Variants in COPG1 observed in about 807,000 individuals in gnomAD.
The protein encoded by COPG1 is coatomer subunit gamma-1.
COPG1 carries 29 observed loss-of-function variants against 102.8 expected under a neutral mutation model. That is an observed-to-expected ratio of 0.28 (90% CI 0.21 to 0.38). The LOEUF is 0.38. Among genes scored for constraint, COPG1 ranks in the 10% least tolerant of loss-of-function variants. COPG1 has a pLI of 1.00. For synonymous variants in COPG1, 406 were observed against 421.6 expected (o/e 0.96, Z 0.45); for missense variants, 875 against 1,132.7 (o/e 0.77, Z 3.27).
chr3:129,266,807 C>T (rs1461926072), intron 14 of COPG1, among the ~76,000 whole-genome samples: 3 of 152,170 alleles, frequency 2.0e-5, no homozygotes, highest in Admixed American at 1.3e-4. Flanking sequence ...CATCTGGCGC[C>T]CTTCTCCATT....
Position 129,261,301 on chromosome 3 carries a change from C to T in COPG1, c.1128+494C>T, listed in dbSNP as rs555734708. Among the ~76,000 whole-genome samples, 5 of 152,160 alleles carry T rather than the reference C, an allele frequency of 3.3e-5. No homozygotes were observed. In the East Asian group the frequency reaches 9.7e-4, roughly 29 times the overall value. On this transcript the variant is annotated intron_variant, in intron 12 of 23. Coordinates refer to ENST00000314797, the MANE Select transcript of COPG1 (RefSeq NM_016128.4). ...AGGAAGAGCACAGTCTGGGAAGGCC[C>T]TTCTGGAGGGTGACATTTGAGCTCA... is the stretch of plus-strand genomic sequence containing the variant.
rs1026683587 is a variant in COPG1, at chr3:129,254,601, T to C, written c.324-67T>C. The stretch of plus-strand genomic sequence containing the variant: ...TGTAGTAATCTGGGCAAGGGTGGTG[T>C]TGGGAGCTGGAGAGGAGTAAACAGG... On this transcript the variant is annotated intron_variant, in intron 5 of 23. Coordinates refer to ENST00000314797, the MANE Select transcript of COPG1 (RefSeq NM_016128.4). 3 of 1,199,652 alleles carry C rather than the reference T, an allele frequency of 2.5e-6. No individual in the cohort carries two copies. The East Asian group carries it at 7.1e-5, about 28-fold the overall frequency. 74.3% of individuals were successfully genotyped at this position (1,199,652 alleles called of 1,614,324 possible).
chr3:129,277,601 CTTTTT>C lies in COPG1; in HGVS notation c.*192_*196del, dbSNP rs35073725. On this transcript the variant is annotated 3_prime_UTR_variant, in exon 24 of 24. Transcript: ENST00000314797. ...CCCACCCGGGACTACTTGCTGGTGA[CTTTTT>C]TTTTTTTTTTTTTTAAATAGGGGAT... The C allele has an allele frequency of 2.6e-5, 8 of 302,660 alleles. No homozygotes were observed. Among genetic ancestry groups the C allele is most frequent in the Non-Finnish European group, 4.3e-5 (7 of 162,378 alleles). 18.7% of individuals were successfully genotyped at this position (302,660 alleles called of 1,614,324 possible). A position where few individuals can be genotyped will look rare whatever the true frequency, so the allele number is the denominator to read the frequency against.
chr3:129,274,302 T>A (rs985747427), intron 21 of COPG1, among the ~76,000 whole-genome samples: 30 of 152,142 alleles, frequency 2.0e-4, no homozygotes, highest in African/African-American at 5.8e-4. Context: ...GGAACCTTCA[T>A]GTAGACTCAG....
Position 129,265,608 on chromosome 3 carries a change from C to G in COPG1, c.1284C>G (p.Asn428Lys), listed in dbSNP as rs753840863. 6.2e-7 allele frequency: 1 copy of G among 1,614,190 alleles called. No homozygotes were observed. Among genetic ancestry groups the G allele is most frequent in the Non-Finnish European group, 8.5e-7 (1 of 1,180,026 alleles). ...VDCIISIIEE[N>K]SESKETGLSH... ...GCATCATCAGCATCATTGAAGAGAA[C>G]TCAGAGAGCAAGGAGACAGGGCTGT... is the stretch of plus-strand genomic sequence containing the variant. Residue 428 changes from asparagine (N) to lysine (K), a missense_variant, in exon 14 of 24, where the codon AAC (asparagine) becomes AAG (lysine). Asn to Lys is a moderately conservative substitution (Grantham distance 94, BLOSUM62 0). Coordinates refer to ENST00000314797, the MANE Select transcript of COPG1 (RefSeq NM_016128.4).
At chr3:129,261,397 G>A (rs139099198) in intron 12 of COPG1, among the ~76,000 whole-genome samples, 1 of 152,196 alleles carries the variant, frequency 6.6e-6, no homozygotes, top group South Asian at 2.1e-4. Context: ...CCAGTGGGTG[G>A]AAGAGCTGTG....
chr3:129,251,084 C>T (rs985048426), intron 2 of COPG1, among the ~76,000 whole-genome samples: 1 of 151,232 alleles, frequency 6.6e-6, no homozygotes, highest in Non-Finnish European at 1.5e-5. Flanking sequence ...CCACCACACC[C>T]GGCTAATTTT....
chr3:129,272,292 G>GACCT lies in COPG1; in HGVS notation c.2035_2036insACCT (p.Val679AspfsTer8). The GACCT allele has an allele frequency of 6.2e-7, 1 of 1,614,100 alleles. No individual in the cohort carries two copies. Among genetic ancestry groups the GACCT allele is most frequent in the South Asian group, 1.1e-5 (1 of 91,084 alleles). On this transcript the variant is annotated frameshift_variant, in exon 20 of 24. Transcript: ENST00000314797. LOFTEE classifies it high-confidence loss of function. Reference sequence around the variant, plus strand: ...TGACCAGACCTTGGAGAATGTCACAGTGCAGATGGAGCCCACTGAGGCCTA... The same window carrying GACCT: ...TGACCAGACCTTGGAGAATGTCACAGACCTTGCAGATGGAGCCCACTGAGGCCTA...
chr3:129,261,065 G>A (rs551162330), intron 12 of COPG1, among the ~76,000 whole-genome samples: 1 of 152,358 alleles, frequency 6.6e-6, no homozygotes, highest in South Asian at 2.1e-4. Context: ...TCATTGATTT[G>A]TTGTCCAAGT....
rs766357893 is a variant in COPG1 at position 129,257,754 on chromosome 3, C to T, written c.765C>T (p.Ile255=). ...GTGACAGCCCACTGTTTGACTTCATCGAGAGCTGCTTGCGCAACAAGCACG... is the reference window on the plus strand; with the variant it reads ...GTGACAGCCCACTGTTTGACTTCATTGAGAGCTGCTTGCGCAACAAGCACG... ...GSRDSPLFDF[I]ESCLRNKHEM... is the part of the protein sequence containing the mutation. The change falls in exon 10 of 24, where the codon ATC becomes ATT. Residue 255 remains isoleucine, a synonymous_variant. Transcript: ENST00000314797. 3.3e-5 allele frequency: 54 copies of T among 1,614,018 alleles called. No homozygotes were observed. The Middle Eastern group carries it at 6.6e-4, about 20-fold the overall frequency.
chr3:129,257,368 C>A, intron 8 of COPG1, 102 bp from the exon 9 acceptor site: 1 of 1,240,670 alleles, frequency 8.1e-7, no homozygotes, highest in South Asian at 1.3e-5. Context: ...GCTACTGTGC[C>A]CATCTTAGAA....
intron 14 of COPG1, among the ~76,000 whole-genome samples, chr3:129,266,130 C>T (rs890908666): frequency 2.6e-5 from 4 of 152,032 alleles, no homozygotes; most frequent in African/African-American, 9.7e-5. Flanking sequence ...TGCCATCATG[C>T]CCAGCTAATT....
intron 4 of COPG1, 45 bp downstream of exon 4, chr3:129,252,739 CAAG>C (rs1315327166): frequency 6.3e-7 from 1 of 1,588,780 alleles, no homozygotes; most frequent in Non-Finnish European, 8.6e-7. Flanking sequence ...GCAGCTGTAA[CAAG>C]GTGGTGGGAG....
intron 18 of COPG1, 33 bp downstream of exon 18, chr3:129,269,033 C>G (rs970075845): frequency 5.0e-6 from 8 of 1,591,706 alleles, no homozygotes; most frequent in Middle Eastern, 1.7e-4. Flanking sequence ...TGCTTGGGAC[C>G]TGGGCTTAGT....
At chr3:129,252,227 T>C (rs1297478817) in intron 2 of COPG1, 54 bp from the exon 3 acceptor site, 2 of 1,278,422 alleles carry the variant, frequency 1.6e-6, no homozygotes, top group Non-Finnish European at 2.3e-6. Flanking sequence ...TTGAATATAC[T>C]TGAAGGGAAA....
chr3:129,260,845 GA>G, intron 12 of COPG1, 38 bp downstream of exon 12: 1 of 1,598,862 alleles, frequency 6.3e-7, no homozygotes, highest in Non-Finnish European at 8.5e-7. Context: ...GCCCCCAGAG[GA>G]AGGAGCTCTG....
chr3:129,260,719 C>A lies in COPG1; in HGVS notation c.1040C>A (p.Thr347Asn). Residue 347 changes from threonine (T) to asparagine (N), a missense_variant, in exon 12 of 24, where the codon ACC (threonine) becomes AAC (asparagine). Transcript: ENST00000314797. The part of the protein sequence containing the change: ...NRSIATLAIT[T>N]LLKTGSESSI... ...AGCATTGCCACGCTGGCCATCACCA[C>A]CCTCCTTAAGACGGGCAGCGAGAGC... The A allele has an allele frequency of 6.2e-7, 1 of 1,613,802 alleles. No homozygotes were observed. The highest frequency in any genetic ancestry group is 2.2e-5 in the East Asian group (1 of 44,890).
In COPG1 at chr3:129,265,769, T is replaced by C; in HGVS notation, c.1445T>C (p.Leu482Ser). ...YIRFIYNRVV[L>S]EHEEVRAGAV... ...CGCTTCATCTATAACCGAGTGGTCT[T>C]GGAGCATGAGGAGGTCCGGGCAGGT... is the stretch of plus-strand genomic sequence containing the variant. Residue 482 changes from leucine (L) to serine (S), a missense_variant, in exon 14 of 24, where the codon TTG (leucine) becomes TCG (serine). Physicochemically the swap from Leu to Ser is moderately radical, Grantham distance 145 (BLOSUM62 -2). Transcript: ENST00000314797. The C allele has an allele frequency of 6.2e-7, 1 of 1,614,142 alleles. No homozygotes were observed. The highest frequency in any genetic ancestry group is 8.5e-7 in the Non-Finnish European group (1 of 1,180,022).
chr3:129,267,851 G>A (rs1940098112), intron 15 of COPG1, 86 bp from the exon 16 acceptor site: 3 of 1,026,236 alleles, frequency 2.9e-6, no homozygotes, highest in Admixed American at 1.9e-5. Flanking sequence ...TTATCCCTAT[G>A]GACTTACCTC....
Sources: allele counts gnomAD v4.1 joint callset (sites outside exome capture counted in the v4.1 genomes callset), GRCh38; gene constraint gnomAD v4.1.1; transcripts MANE v1.5; gene names NCBI Gene and HGNC (gene_info 2026-07-23, HGNC 2026-07-21).